Variants in NTRK2 observed in about 807,000 individuals in gnomAD.
NTRK2 encodes the protein BDNF/NT-3 growth factors receptor.
NTRK2 carries 13 observed loss-of-function variants against 94.5 expected under a neutral mutation model. The observed-to-expected ratio is 0.14, with a 90% CI of 0.09 to 0.22. The LOEUF (loss-of-function observed/expected upper bound fraction) is 0.22, where lower values mean the gene tolerates loss of function less well. Among genes scored for constraint, NTRK2 ranks in the 10% least tolerant of loss-of-function variants. The pLI is 1.00. For synonymous variants in NTRK2, 372 were observed against 407.4 expected (o/e 0.91, Z 1.05); for missense variants, 639 against 1,071.2 (o/e 0.60, Z 5.63).
At chr9:84,846,369 C>G (rs1417672560) in intron 12 of NTRK2, among the ~76,000 whole-genome samples, 1 of 152,222 alleles carries the variant, frequency 6.6e-6, no homozygotes, top group African/African-American at 2.4e-5. Flanking sequence ...AGCTATATTT[C>G]TAAATCATTT....
chr9:84,706,217 T>C (rs1033783272), intron 4 of NTRK2, among the ~76,000 whole-genome samples: 2 of 135,060 alleles, frequency 1.5e-5, no homozygotes, highest in African/African-American at 5.3e-5. Flanking sequence ...GATGCACGCC[T>C]AGGAGGAAGG....
At chr9:84,682,636 C>T (rs1429363313) in intron 2 of NTRK2, among the ~76,000 whole-genome samples, 1 of 152,184 alleles carries the variant, frequency 6.6e-6, no homozygotes, top group African/African-American at 2.4e-5. Flanking sequence ...TGTACTCCCA[C>T]CCTCTAAAAT....
At chr9:84,762,671 T>C (rs1452818661) in intron 12 of NTRK2, among the ~76,000 whole-genome samples, 1 of 152,206 alleles carries the variant, frequency 6.6e-6, no homozygotes, top group Non-Finnish European at 1.5e-5. Context: ...GCACAACCTG[T>C]GAGCCATGTG....
At chr9:84,777,233 C>A (rs566724080) in intron 12 of NTRK2, among the ~76,000 whole-genome samples, 4 of 152,126 alleles carry the variant, frequency 2.6e-5, no homozygotes, top group African/African-American at 9.7e-5. Context: ...TTGGTTGTCC[C>A]ATTTTAGTAC....
chr9:84,707,035 A>G (rs902602671), intron 4 of NTRK2, among the ~76,000 whole-genome samples: 2 of 152,198 alleles, frequency 1.3e-5, no homozygotes, highest in African/African-American at 4.8e-5. Context: ...TAAACAGTAA[A>G]CAAATTCGCA....
intron 2 of NTRK2, among the ~76,000 whole-genome samples, chr9:84,694,479 C>T (rs779826614): frequency 3.3e-5 from 5 of 152,234 alleles, no homozygotes; most frequent in Non-Finnish European, 7.3e-5. Context: ...TTTCCATTCA[C>T]GTCCTCACAG....
intron 13 of NTRK2, among the ~76,000 whole-genome samples, chr9:84,865,348 A>AAATTACCT (rs1416821393): frequency 6.6e-6 from 1 of 152,206 alleles, no homozygotes; most frequent in Non-Finnish European, 1.5e-5. Flanking sequence ...AATGCTTCAA[A>AAATTACCT]AATTACCTAT....
At chr9:84,937,048 C>T (rs144108003) in intron 15 of NTRK2, among the ~76,000 whole-genome samples, 5 of 152,232 alleles carry the variant, frequency 3.3e-5, no homozygotes, top group South Asian at 4.2e-4. Flanking sequence ...AGCTGTCACT[C>T]GCCAGCCTGA....
At chr9:85,004,660 C>G (rs1380153685) in intron 17 of NTRK2, among the ~76,000 whole-genome samples, 2 of 151,944 alleles carry the variant, frequency 1.3e-5, no homozygotes, top group East Asian at 3.9e-4. Context: ...AAGGAAGATG[C>G]ACAAAAAAAA....
chr9:84,720,138 T>C (rs966818165), intron 6 of NTRK2, among the ~76,000 whole-genome samples: 4 of 151,652 alleles, frequency 2.6e-5, no homozygotes, highest in African/African-American at 9.7e-5. Context: ...GGTTACCAAG[T>C]TGACAATGGA....
chr9:84,804,012 T>C (rs1012354694), intron 12 of NTRK2, among the ~76,000 whole-genome samples: 19 of 152,160 alleles, frequency 1.2e-4, no homozygotes, highest in African/African-American at 3.4e-4. Context: ...GCCCCCCTGA[T>C]TGTTGCTATC....
chr9:84,976,224 G>T (rs114209990), intron 17 of NTRK2, among the ~76,000 whole-genome samples: 1 of 152,194 alleles, frequency 6.6e-6, no homozygotes, highest in Non-Finnish European at 1.5e-5. Flanking sequence ...GTGCCAGCAT[G>T]GTTGGGTTCT....
rs74471583 is a variant in NTRK2 at position 84,931,601 on chromosome 9, A to G, written c.1634-2561A>G. On this transcript the variant is annotated intron_variant, in intron 14 of 18. Transcript: ENST00000277120. ...AAGGTCAACGTGGAAAAACTGCTTT[A>G]ATCAATTTTAGTTTTGGAAATAATG... Among the ~76,000 whole-genome samples, 932 of 152,222 alleles carry G rather than the reference A, an allele frequency of 6.1e-3. 17 individuals carry two copies. Among genetic ancestry groups the G allele is most frequent in the Admixed American group, 0.04 (614 of 15,284 alleles).
chr9:84,781,442 TAA>T (rs1256567641), intron 12 of NTRK2, among the ~76,000 whole-genome samples: 1 of 152,210 alleles, frequency 6.6e-6, no homozygotes, highest in African/African-American at 2.4e-5. Flanking sequence ...ACTCATATAA[TAA>T]CTTTTCATAT....
At chr9:85,018,342 G>A (rs959667776) in intron 17 of NTRK2, among the ~76,000 whole-genome samples, 1 of 152,220 alleles carries the variant, frequency 6.6e-6, no homozygotes, top group East Asian at 1.9e-4. Context: ...CTTTATTCTA[G>A]GGGTTAACAA....
intron 17 of NTRK2, among the ~76,000 whole-genome samples, chr9:84,987,144 T>C (rs772649647): frequency 5.9e-5 from 9 of 152,296 alleles, no homozygotes; most frequent in East Asian, 3.9e-4. Flanking sequence ...AAAGAATTTG[T>C]TAAGAAGTTC....
Position 85,026,006 on chromosome 9 carries a change from G to C in NTRK2, c.*4569G>C. 1 of 231,948 alleles carries C rather than the reference G, an allele frequency of 4.3e-6. No homozygotes were observed. Among genetic ancestry groups the C allele is most frequent in the South Asian group, 1.8e-4 (1 of 5,502 alleles). The allele number at this position is 231,948 out of a possible 1,614,324, so 14.4% of individuals were successfully genotyped here. A position where few individuals can be genotyped will look rare whatever the true frequency, so the allele number is the denominator to read the frequency against. Reference sequence around the variant, plus strand: ...TGAATCACTGCTGCTCAAGTCAAAGGTTCTTGAATATCCTTAGTTTTTGCA... The same window carrying C: ...TGAATCACTGCTGCTCAAGTCAAAGCTTCTTGAATATCCTTAGTTTTTGCA... On this transcript the variant is annotated 3_prime_UTR_variant, in exon 19 of 19. Transcript: ENST00000277120.
At chr9:84,907,337 TC>T (rs1210709738) in intron 14 of NTRK2, among the ~76,000 whole-genome samples, 5 of 152,226 alleles carry the variant, frequency 3.3e-5, no homozygotes, top group Non-Finnish European at 5.9e-5. Context: ...CATAGCCATT[TC>T]CATAGCAAAG....
At chr9:84,943,402 T>C (rs553586324) in intron 15 of NTRK2, among the ~76,000 whole-genome samples, 6 of 152,326 alleles carry the variant, frequency 3.9e-5, no homozygotes, top group East Asian at 3.9e-4. Context: ...AGTTCTGTGC[T>C]AAAATTTGTT....
Sources: allele counts gnomAD v4.1 joint callset (sites outside exome capture counted in the v4.1 genomes callset), GRCh38; gene constraint gnomAD v4.1.1; transcripts MANE v1.5; gene names NCBI Gene and HGNC (gene_info 2026-07-23, HGNC 2026-07-21).